TMTC2: variants seen among roughly 807,000 people sequenced by gnomAD.
The protein encoded by TMTC2 is transmembrane O-mannosyltransferase targeting cadherins 2.
A neutral mutation model predicts 82.4 loss-of-function variants in TMTC2; 43 were observed. That is an observed-to-expected ratio of 0.52 (90% CI 0.41 to 0.67). The LOEUF is 0.67. TMTC2 is among the 30% of genes least tolerant of loss of function. TMTC2 has a pLI of 0.00. For synonymous variants in TMTC2, 408 were observed against 381.9 expected, an observed-to-expected ratio of 1.07 and a Z score of -0.80; for missense variants, 919 against 1,012.4, an observed-to-expected ratio of 0.91 and a Z score of 1.25.
Position 83,095,676 on chromosome 12 carries a change from T to C in TMTC2, c.2331+33845T>C, listed in dbSNP as rs151000600. ...CTGTAGCTTTACCAGTTTATCACAG[T>C]GAGTTACCTAATGATAACATGTTTC... On this transcript the variant is annotated intron_variant, in intron 11 of 11. Transcript: ENST00000321196. Among the ~76,000 whole-genome samples the C allele has an allele frequency of 3.9e-3, 587 of 152,240 alleles. 3 individuals carry two copies. Among genetic ancestry groups the C allele is most frequent in the Admixed American group, 6.0e-3 (91 of 15,290 alleles).
chr12:82,774,964 G>C (rs1877511794), intron 1 of TMTC2, among the ~76,000 whole-genome samples: 1 of 152,026 alleles, frequency 6.6e-6, no homozygotes, highest in African/African-American at 2.4e-5. Flanking sequence ...AAAGGAATAA[G>C]AGGAAAAATC....
At chr12:82,883,515 C>G (rs145410478) in intron 2 of TMTC2, among the ~76,000 whole-genome samples, 90 of 152,244 alleles carry the variant, frequency 5.9e-4, no homozygotes, top group Non-Finnish European at 1.1e-3. Flanking sequence ...TCTTAGCCTC[C>G]CCACTGAGTG....
At chr12:82,826,477 C>A (rs1869428415) in intron 1 of TMTC2, among the ~76,000 whole-genome samples, 1 of 152,000 alleles carries the variant, frequency 6.6e-6, no homozygotes, top group Non-Finnish European at 1.5e-5. Flanking sequence ...AGTTTAGAGT[C>A]CAAAGTATAA....
At chr12:82,903,481 G>T (rs1428957702) in intron 3 of TMTC2, among the ~76,000 whole-genome samples, 2 of 152,078 alleles carry the variant, frequency 1.3e-5, no homozygotes, top group Non-Finnish European at 2.9e-5. Context: ...GCGCGATCTC[G>T]CCTCACTGCA....
chr12:82,873,138 A>G (rs994873261), intron 2 of TMTC2, among the ~76,000 whole-genome samples: 3 of 151,796 alleles, frequency 2.0e-5, no homozygotes, highest in African/African-American at 7.3e-5. Context: ...AGAACTTTTA[A>G]CTATCACCAT....
chr12:82,982,509 TAA>T (rs1427786711), intron 7 of TMTC2, among the ~76,000 whole-genome samples: 4 of 151,856 alleles, frequency 2.6e-5, no homozygotes, highest in Admixed American at 6.6e-5. Flanking sequence ...CTTTTTGTGT[TAA>T]GTTAGCCTTA....
chr12:82,998,072 A>G lies in TMTC2; in HGVS notation c.2070+12026A>G, dbSNP rs1879744462. Among the ~76,000 whole-genome samples, 5 of 152,184 alleles carry G rather than the reference A, an allele frequency of 3.3e-5. No homozygotes were observed. The South Asian group carries it at 1.0e-3, about 31-fold the overall frequency. ...ATAAACATAAGTGAAAGAAACTACT[A>G]TTTACCTGGTAAACTGGTAGACCTT... On this transcript the variant is annotated intron_variant, in intron 8 of 11. Coordinates refer to ENST00000321196, the MANE Select transcript of TMTC2 (RefSeq NM_152588.3).
At chr12:82,887,042 A>G (rs1054831276) in intron 2 of TMTC2, among the ~76,000 whole-genome samples, 5 of 152,174 alleles carry the variant, frequency 3.3e-5, no homozygotes, top group Admixed American at 3.3e-4. Context: ...TCTCTGTCTT[A>G]TAACTTTCAG....
At chr12:82,992,610 AT>A (rs1379918954) in intron 8 of TMTC2, among the ~76,000 whole-genome samples, 7 of 152,186 alleles carry the variant, frequency 4.6e-5, no homozygotes, top group Non-Finnish European at 8.8e-5. Flanking sequence ...GAACGTTATG[AT>A]TTATCAGTCT....
At position 82,940,796 on chromosome 12, in the gene TMTC2, T is replaced by C. The variant is rs566598780; in HGVS notation, c.1598+10251T>C. Among the ~76,000 whole-genome samples the C allele has an allele frequency of 2.6e-5, 4 of 151,928 alleles. No homozygotes were observed. The East Asian group carries it at 7.8e-4, about 29-fold the overall frequency. On this transcript the variant is annotated intron_variant, in intron 4 of 11. Transcript: ENST00000321196. ...GCTTAAGCAACACTTTCTGGGGAGG[T>C]TTCTGGATACCTCTCCCACTTTCAG...
chr12:82,819,099 A>G (rs1335624562), intron 1 of TMTC2, among the ~76,000 whole-genome samples: 2 of 151,994 alleles, frequency 1.3e-5, no homozygotes, highest in Non-Finnish European at 2.9e-5. Context: ...TTATTTATAT[A>G]CATCCTAGAT....
At chr12:82,887,903 A>G (rs1173734198) in intron 2 of TMTC2, among the ~76,000 whole-genome samples, 1 of 151,954 alleles carries the variant, frequency 6.6e-6, no homozygotes, top group African/African-American at 2.4e-5. Flanking sequence ...AACATGGAGA[A>G]ACTCCGTCTC....
chr12:82,834,416 C>T (rs1869918453), intron 1 of TMTC2, among the ~76,000 whole-genome samples: 1 of 152,180 alleles, frequency 6.6e-6, no homozygotes, highest in South Asian at 2.1e-4. Context: ...GGAGAATTCG[C>T]TAAGTTCCGA....
At chr12:82,848,885 T>C (rs1400959004) in intron 1 of TMTC2, among the ~76,000 whole-genome samples, 1 of 152,092 alleles carries the variant, frequency 6.6e-6, no homozygotes, top group African/African-American at 2.4e-5. Flanking sequence ...AAATGAGCAT[T>C]GGTGGTTGAA....
chr12:82,899,753 T>C (rs1270557803), intron 3 of TMTC2, among the ~76,000 whole-genome samples: 2 of 144,336 alleles, frequency 1.4e-5, no homozygotes, highest in Non-Finnish European at 3.0e-5. Flanking sequence ...TATATATATA[T>C]AAGAATATAT....
chr12:82,687,351 A>C lies in TMTC2; in HGVS notation c.-236A>C. 4 of 551,246 alleles carry C rather than the reference A, an allele frequency of 7.3e-6. No homozygotes were observed. Among genetic ancestry groups the C allele is most frequent in the Non-Finnish European group, 9.8e-6 (3 of 307,306 alleles). The allele number at this position is 551,246 out of a possible 1,614,324, so 34.1% of individuals were successfully genotyped here. A position where few individuals can be genotyped will look rare whatever the true frequency, so the allele number is the denominator to read the frequency against. ...CGCTCACCGCTTGCGGGCGCCGGGC[A>C]TGGGGAGTGTGGTGTGAGCCCGCAC... On this transcript the variant is annotated 5_prime_UTR_variant, in exon 1 of 12. The change abolishes an upstream ATG in the 5' untranslated region. Coordinates refer to ENST00000321196, the MANE Select transcript of TMTC2 (RefSeq NM_152588.3).
At chr12:82,785,186 C>T (rs1426113783) in intron 1 of TMTC2, among the ~76,000 whole-genome samples, 1 of 152,034 alleles carries the variant, frequency 6.6e-6, no homozygotes, top group Non-Finnish European at 1.5e-5. Flanking sequence ...CTCTTGAGCA[C>T]TAAAACATTA....
At chr12:82,924,328 A>G (rs1875572783) in intron 3 of TMTC2, among the ~76,000 whole-genome samples, 2 of 152,228 alleles carry the variant, frequency 1.3e-5, no homozygotes, top group African/African-American at 4.8e-5. Context: ...CTATGTCTGG[A>G]TAAAAAATCA....
chr12:82,753,454 A>G lies in TMTC2; in HGVS notation c.83+65785A>G, dbSNP rs185220151. ...GTGGAGGGCTAAATTTTAAAAGTAA[A>G]TATAATGTTATAACAATTTGCTTAT... is the stretch of plus-strand genomic sequence containing the variant. On this transcript the variant is annotated intron_variant, in intron 1 of 11. Transcript: ENST00000321196. Among the ~76,000 whole-genome samples the G allele has an allele frequency of 4.3e-4, 63 of 147,314 alleles. 1 individual carries two copies. The East Asian group carries it at 0.012, about 28-fold the overall frequency.
Sources: allele counts gnomAD v4.1 joint callset (sites outside exome capture counted in the v4.1 genomes callset), GRCh38; gene constraint gnomAD v4.1.1; transcripts MANE v1.5; gene names NCBI Gene and HGNC (gene_info 2026-07-23, HGNC 2026-07-21).